The following ADAMTS15 variants were observed in gnomAD, a reference collection of about 807,000 sequenced individuals.
The protein encoded by ADAMTS15 is A disintegrin and metalloproteinase with thrombospondin motifs 15.
Under a neutral mutation model 79.1 loss-of-function variants are expected in ADAMTS15, and 35 were observed. The ratio of observed to expected loss-of-function variants is 0.44; its 90% confidence interval spans 0.34 to 0.59. The LOEUF is 0.59. ADAMTS15 is among the 20% of genes least tolerant of loss of function. The pLI, the probability that ADAMTS15 is intolerant of heterozygous loss-of-function variation, is 0.02. For synonymous variants in ADAMTS15, 616 were observed against 567.3 expected (o/e 1.09, Z -1.22); for missense variants, 1,324 against 1,318.7 (o/e 1.00, Z -0.06).
In ADAMTS15 at chr11:130,473,639, G is replaced by A. The variant is rs192825124; in HGVS notation, c.2671G>A (p.Gly891Arg). ...TCGGCCCGTGGAGACACAAGCCTGC[G>A]GGGAGCCCTGCCCCACCTGGGAGCT... is the stretch of plus-strand genomic sequence containing the variant. ...AHRPVETQACGEPCPTWELSA... is the reference protein window; with the variant it reads ...AHRPVETQACREPCPTWELSA... Residue 891 changes from glycine (G) to arginine (R), a missense_variant, in exon 8 of 8, where the codon GGG (glycine) becomes AGG (arginine). Coordinates refer to ENST00000299164, the MANE Select transcript of ADAMTS15 (RefSeq NM_139055.4). 156 of 1,608,154 alleles carry A rather than the reference G, an allele frequency of 9.7e-5. No homozygotes were observed. Among genetic ancestry groups the A allele is most frequent in the Non-Finnish European group, 1.3e-4 (151 of 1,179,854 alleles).
chr11:130,462,149 C>T lies in ADAMTS15; in HGVS notation c.1153C>T (p.Arg385Ter), dbSNP rs1176143861. 1.9e-6 allele frequency: 3 copies of T among 1,614,138 alleles called. No homozygotes were observed. The highest frequency in any genetic ancestry group is 1.7e-6 in the Non-Finnish European group (2 of 1,180,040). Residue 385 changes from arginine (R) to a stop codon, truncating the protein, a stop_gained, in exon 3 of 8, where the codon CGA (arginine) becomes TGA (stop). Transcript: ENST00000299164. LOFTEE classifies it high-confidence loss of function. This position sits in a 1 kb window ranked among gnomAD's most constrained non-coding sequence, Gnocchi z 4.3. The part of the protein sequence containing the change: ...KVCEEVFGKL[R>*]ANHMMSPTLI... ...CTGTGAGGAGGTGTTTGGGAAGCTC[C>T]GAGCCAACCACATGATGTCCCCGAC...
At position 130,462,430 on chromosome 11, in the gene ADAMTS15, C is replaced by G; in HGVS notation, c.1259-67C>G. 6.5e-7 allele frequency: 1 copy of G among 1,533,546 alleles called. No individual in the cohort carries two copies. The highest frequency in any genetic ancestry group is 1.3e-5 in the South Asian group (1 of 78,542). The allele number at this position is 1,533,546 out of a possible 1,614,324, so 95.0% of individuals were successfully genotyped here. A position where few individuals can be genotyped will look rare whatever the true frequency, so the allele number is the denominator to read the frequency against. On this transcript the variant is annotated intron_variant, in intron 3 of 7. Transcript: ENST00000299164. The surrounding 1 kb of genome is among the most constrained non-coding windows in gnomAD (Gnocchi z 4.3). ...CTTGGTTCATTATCCCCTTACCATT[C>G]AGATTCTGGGCTAGCCAAACCTCAT...
Position 130,449,280 on chromosome 11 carries a change from T to A in ADAMTS15, c.307T>A (p.Tyr103Asn). The change falls in exon 1 of 8, where the codon TAT (tyrosine) becomes AAT (asparagine). Residue 103 changes from tyrosine (Y) to asparagine (N), a missense_variant. Coordinates refer to ENST00000299164, the MANE Select transcript of ADAMTS15 (RefSeq NM_139055.4). This position sits in a 1 kb window ranked among gnomAD's most constrained non-coding sequence, Gnocchi z 7.8. ...CTCTTCAGACCTGCGACGCTGCTTCTATTCTGGGGACGTGAACGCCGAGCC... is the reference window on the plus strand; with the variant it reads ...CTCTTCAGACCTGCGACGCTGCTTCAATTCTGGGGACGTGAACGCCGAGCC... ...GGSSDLRRCF[Y>N]SGDVNAEPDS... is the part of the protein sequence containing the mutation. 6.2e-7 allele frequency: 1 copy of A among 1,612,420 alleles called. No individual in the cohort carries two copies. The highest frequency in any genetic ancestry group is 8.5e-7 in the Non-Finnish European group (1 of 1,180,012).
At chr11:130,451,807 C>A (rs963329342) in intron 1 of ADAMTS15, among the ~76,000 whole-genome samples, 4 of 152,144 alleles carry the variant, frequency 2.6e-5, no homozygotes, top group Non-Finnish European at 4.4e-5. Context: ...GAAGAAGAAG[C>A]AATCAAACAG....
At chr11:130,470,119 CATATATATATAT>C (rs1208986843) in intron 5 of ADAMTS15, among the ~76,000 whole-genome samples, 1 of 64,018 alleles carries the variant, frequency 1.6e-5, no homozygotes, top group Non-Finnish European at 3.0e-5. Context: ...ATTACTGAAT[CATATATATATAT>C]ACATATATAT....
intron 1 of ADAMTS15, among the ~76,000 whole-genome samples, chr11:130,456,228 G>C (rs927814675): frequency 6.6e-6 from 1 of 152,138 alleles, no homozygotes; most frequent in African/African-American, 2.4e-5. Context: ...GTCAGTAACT[G>C]TTAGCTATTA....
chr11:130,457,611 G>A (rs1363141823), intron 1 of ADAMTS15, among the ~76,000 whole-genome samples: 1 of 152,196 alleles, frequency 6.6e-6, no homozygotes, highest in East Asian at 1.9e-4. Flanking sequence ...GAGGCAGGTA[G>A]GGGCTGGGTT....
chr11:130,449,190 C>T lies in ADAMTS15; in HGVS notation c.217C>T (p.Gln73Ter). Residue 73 changes from glutamine (Q) to a stop codon, truncating the protein, a stop_gained, in exon 1 of 8, where the codon CAG becomes TAG. Coordinates refer to ENST00000299164, the MANE Select transcript of ADAMTS15 (RefSeq NM_139055.4). LOFTEE classifies it high-confidence loss of function. The surrounding 1 kb of genome is among the most constrained non-coding windows in gnomAD (Gnocchi z 7.8). The stretch of plus-strand genomic sequence containing the variant: ...TTACCTACACCTGACGCCGGATGCT[C>T]AGTTCTTGGCTCCCGCCTTCTCCAC... ...DFYLHLTPDA[Q>*]FLAPAFSTEH... 1 of 1,613,314 alleles carries T rather than the reference C, an allele frequency of 6.2e-7. No individual in the cohort carries two copies. Among genetic ancestry groups the T allele is most frequent in the East Asian group, 2.2e-5 (1 of 44,830 alleles).
intron 1 of ADAMTS15, among the ~76,000 whole-genome samples, chr11:130,459,917 G>T (rs983504739): frequency 6.6e-6 from 1 of 152,244 alleles, no homozygotes; most frequent in African/African-American, 2.4e-5. Context: ...GTACACAGAT[G>T]CACATGTGGC....
At chr11:130,470,870 C>T (rs200071867) in intron 5 of ADAMTS15, 50 bp from the exon 6 acceptor site, 55 of 1,568,878 alleles carry the variant, frequency 3.5e-5, no homozygotes, top group South Asian at 2.3e-4. Context: ...TCCTTTGCAC[C>T]GGCCTTGTCC....
rs185309961 is a variant in ADAMTS15 at position 130,467,203 on chromosome 11, G to A, written c.1543-2059G>A. Among the ~76,000 whole-genome samples, 175 of 152,090 alleles carry A rather than the reference G, an allele frequency of 1.2e-3. 2 individuals are homozygous for A. The highest frequency in any genetic ancestry group is 3.9e-3 in the African/African-American group (160 of 41,494). ...AGGAACAGTGCTATGTGCTGAAGAA[G>A]AATTGGGGATCTTGAGGCCTAGGCA... On this transcript the variant is annotated intron_variant, in intron 4 of 7. Coordinates refer to ENST00000299164, the MANE Select transcript of ADAMTS15 (RefSeq NM_139055.4).
At position 130,454,191 on chromosome 11, in the gene ADAMTS15, C is replaced by T. The variant is rs541875313; in HGVS notation, c.957+4261C>T. On this transcript the variant is annotated intron_variant, in intron 1 of 7. Transcript: ENST00000299164. ...GCCACCTCTGTTTCCTCTCCTCTCA[C>T]TCTTCTTCCATGCTCTCACCTTCCT... Among the ~76,000 whole-genome samples, 11 of 152,316 alleles carry T rather than the reference C, an allele frequency of 7.2e-5. 1 individual carries two copies. In the South Asian group the frequency reaches 2.3e-3, roughly 32 times the overall value.
At position 130,473,762 on chromosome 11, in the gene ADAMTS15, C is replaced by T. The variant is rs1187064871; in HGVS notation, c.2794C>T (p.Gln932Ter). The T allele has an allele frequency of 3.1e-6, 5 of 1,599,188 alleles. No homozygotes were observed. In the African/African-American group the frequency reaches 6.7e-5, roughly 21 times the overall value. The change falls in exon 8 of 8, where the codon CAG becomes TAG. Residue 932 changes from glutamine (Q) to a stop codon, truncating the protein, a stop_gained. Coordinates refer to ENST00000299164, the MANE Select transcript of ADAMTS15 (RefSeq NM_139055.4). LOFTEE classifies it high-confidence loss of function. ...CGGAGGCCGGCTGCTGGCCCGGGAC[C>T]AGTGCAACTTGCACCGCAAGCCCCA... ...GHGGRLLARDQCNLHRKPQEL... is the reference protein window; with the variant it reads ...GHGGRLLARD
At chr11:130,459,905 A>T (rs76591972) in intron 1 of ADAMTS15, among the ~76,000 whole-genome samples, 1 of 152,196 alleles carries the variant, frequency 6.6e-6, no homozygotes, top group South Asian at 2.1e-4. Flanking sequence ...CCTTGCCAGC[A>T]TGTACACAGA....
chr11:130,472,228 G>C lies in ADAMTS15; in HGVS notation c.2079-819G>C, dbSNP rs981291379. On this transcript the variant is annotated intron_variant, in intron 7 of 7. Coordinates refer to ENST00000299164, the MANE Select transcript of ADAMTS15 (RefSeq NM_139055.4). This position sits in a 1 kb window ranked among gnomAD's most constrained non-coding sequence, Gnocchi z 4.7. The stretch of plus-strand genomic sequence containing the variant: ...TGGTGATGGAAAGGCCTAGATGGCT[G>C]TCCTGGAGCCTTGACTGTGCCCCTG... Among the ~76,000 whole-genome samples the C allele has an allele frequency of 5.9e-5, 9 of 152,250 alleles. No homozygotes were observed. Among genetic ancestry groups the C allele is most frequent in the Non-Finnish European group, 7.3e-5 (5 of 68,038 alleles).
chr11:130,465,531 G>C (rs1403680819), intron 4 of ADAMTS15, among the ~76,000 whole-genome samples: 1 of 152,190 alleles, frequency 6.6e-6, no homozygotes, highest in South Asian at 2.1e-4. Context: ...CTTCACAGCA[G>C]GTTCCCGGAA....
Position 130,449,461 on chromosome 11 carries a change from C to T in ADAMTS15, c.488C>T (p.Pro163Leu), listed in dbSNP as rs1214501393. 1 of 1,573,622 alleles carries T rather than the reference C, an allele frequency of 6.4e-7. No homozygotes were observed. The highest frequency in any genetic ancestry group is 1.1e-5 in the South Asian group (1 of 87,206). Residue 163 changes from proline to leucine, a missense_variant, in exon 1 of 8, where the codon CCG becomes CTG. By Grantham distance (98) the Pro-to-Leu change is moderately conservative. Transcript: ENST00000299164. The surrounding 1 kb of genome is among the most constrained non-coding windows in gnomAD (Gnocchi z 7.8). ...GAHLLQRRGV[P>L]GGPSGDPTSR... ...CACCTTCTCCAGCGCCGGGGTGTTC[C>T]GGGCGGGCCTTCCGGAGACCCCACC...
intron 1 of ADAMTS15, among the ~76,000 whole-genome samples, chr11:130,456,125 G>A (rs1208586453): frequency 2.6e-5 from 4 of 152,136 alleles, no homozygotes; most frequent in Admixed American, 6.5e-5. Context: ...CTGTGCGATG[G>A]GGCCTGATAA....
rs927190919 is a variant in ADAMTS15 at position 130,472,761 on chromosome 11, C to T, written c.2079-286C>T. On this transcript the variant is annotated intron_variant, in intron 7 of 7. Coordinates refer to ENST00000299164, the MANE Select transcript of ADAMTS15 (RefSeq NM_139055.4). The surrounding 1 kb of genome is among the most constrained non-coding windows in gnomAD (Gnocchi z 4.7). ...TTGATGTGTGCCAGGCACCACGCTA[C>T]ATGCTTTCTGTGCTTTGGTGGACTC... Among the ~76,000 whole-genome samples the T allele has an allele frequency of 6.6e-6, 1 of 151,508 alleles. No homozygotes were observed. The highest frequency in any genetic ancestry group is 1.5e-5 in the Non-Finnish European group (1 of 67,918).
Sources: gnomAD v4.1 joint callset for allele counts (sites outside exome capture counted in the v4.1 genomes callset) on GRCh38, gnomAD v4.1.1 for gene constraint, Gnocchi (gnomAD v3.1) non-coding constraint, MANE v1.5 for transcripts, NCBI Gene and HGNC (gene_info 2026-07-23, HGNC 2026-07-21) for gene names.